PSD3: variants seen among roughly 807,000 people sequenced by gnomAD.
PSD3 encodes pleckstrin and Sec7 domain containing 3.
Under a neutral mutation model 105.5 loss-of-function variants are expected in PSD3, and 49 were observed. The observed-to-expected ratio is 0.46, with a 90% CI of 0.37 to 0.59. The LOEUF is 0.59. PSD3 is among the 20% of genes least tolerant of loss of function. The probability of loss-of-function intolerance (pLI) is 0.00; values close to 1 mark genes in which losing one functional copy is unlikely to be tolerated. For missense variants in PSD3, 1,561 were observed against 1,263.8 expected (o/e 1.24, Z -3.57); for synonymous variants, 557 against 457.8 (o/e 1.22, Z -2.77).
chr8:18,639,561 G>A (rs986950712), intron 10 of PSD3, among the ~76,000 whole-genome samples: 1 of 152,072 alleles, frequency 6.6e-6, no homozygotes, highest in Non-Finnish European at 1.5e-5. Context: ...CAATATTGAT[G>A]TCCTTATTAA....
chr8:18,984,420 C>G (rs1357043733), intron 1 of PSD3, among the ~76,000 whole-genome samples: 1 of 151,914 alleles, frequency 6.6e-6, no homozygotes, highest in Non-Finnish European at 1.5e-5. Context: ...AACATCACTG[C>G]ATTAAAATAT....
rs530156488 is a variant in PSD3 at position 18,828,719 on chromosome 8, G to C, written c.1635-23821C>G. ...CTCATGCCTGAAATCCCAGCATTTT[G>C]GGAGGCTGAGGCAAGCAGATCACAT... is the stretch of plus-strand genomic sequence containing the variant. On this transcript the variant is annotated intron_variant, in intron 4 of 15. Coordinates refer to ENST00000327040, the MANE Select transcript of PSD3 (RefSeq NM_015310.4). 7.2e-5 allele frequency among the ~76,000 whole-genome samples: 11 copies of C among 152,228 alleles called. No individual in the cohort carries two copies. The South Asian group carries it at 1.9e-3, about 26-fold the overall frequency.
At chr8:18,932,972 G>A (rs1383153212) in intron 2 of PSD3, among the ~76,000 whole-genome samples, 2 of 152,214 alleles carry the variant, frequency 1.3e-5, no homozygotes, top group African/African-American at 4.8e-5. Flanking sequence ...TTCCTTGCTA[G>A]TCACTTGGAG....
intron 1 of PSD3, among the ~76,000 whole-genome samples, chr8:18,950,912 T>A (rs1290358548): frequency 6.6e-6 from 1 of 152,114 alleles, no homozygotes. Context: ...AGTATTTCTG[T>A]TGCTCTAGGG....
chr8:18,838,379 T>C (rs1007784473), intron 4 of PSD3, among the ~76,000 whole-genome samples: 9 of 152,248 alleles, frequency 5.9e-5, no homozygotes, highest in South Asian at 2.1e-4. Flanking sequence ...TTGTGTCTTC[T>C]GCTTTACAAA....
chr8:19,053,940 T>C (rs998028491), intron 1 of PSD3, among the ~76,000 whole-genome samples: 16 of 152,230 alleles, frequency 1.1e-4, no homozygotes, highest in African/African-American at 3.9e-4. Flanking sequence ...GTTACAAGAC[T>C]GCTTACTTGG....
At chr8:19,016,457 T>C (rs1453845548), upstream of PSD3, among the ~76,000 whole-genome samples, 1 of 152,184 alleles carries the variant, frequency 6.6e-6, no homozygotes, top group Non-Finnish European at 1.5e-5. Context: ...AAGCCCAGAT[T>C]ATTGAATATT....
chr8:18,736,679 G>A (rs554588116), intron 9 of PSD3, among the ~76,000 whole-genome samples: 155 of 152,136 alleles, frequency 1.0e-3, no homozygotes, highest in Non-Finnish European at 1.5e-3. Context: ...GTTGAGATAC[G>A]GAAATAATGG....
At chr8:18,846,498 C>A (rs1815103490) in intron 4 of PSD3, among the ~76,000 whole-genome samples, 1 of 152,100 alleles carries the variant, frequency 6.6e-6, no homozygotes, top group Non-Finnish European at 1.5e-5. Flanking sequence ...TACTGCTACT[C>A]CTGGGGAAAC....
chr8:18,754,121 C>A lies in PSD3; in HGVS notation c.2172+11328G>T, dbSNP rs932284704. On this transcript the variant is annotated intron_variant, in intron 9 of 15. Transcript: ENST00000327040. ...AATTTAGGCCAGGTGCGGTGGCTCA[C>A]GCCTGTAATCCCACCACTTTGGGAA... Among the ~76,000 whole-genome samples, 7 of 152,146 alleles carry A rather than the reference C, an allele frequency of 4.6e-5. No homozygotes were observed. In the East Asian group the frequency reaches 9.6e-4, roughly 21 times the overall value.
chr8:18,708,784 G>A lies in PSD3; in HGVS notation c.2173-53099C>T, dbSNP rs188163265. Among the ~76,000 whole-genome samples, 532 of 151,880 alleles carry A rather than the reference G, an allele frequency of 3.5e-3. 6 individuals are homozygous for A. Among genetic ancestry groups the A allele is most frequent in the African/African-American group, 0.011 (469 of 41,410 alleles). On this transcript the variant is annotated intron_variant, in intron 9 of 15. Transcript: ENST00000327040. ...TCCTGCACCTTCAGCTGAGGGATCCGGATTATCTCACTGGGACTAATGAGG... is the reference window on the plus strand; with the variant it reads ...TCCTGCACCTTCAGCTGAGGGATCCAGATTATCTCACTGGGACTAATGAGG...
chr8:18,574,716 A>G (rs1391578588), intron 13 of PSD3, among the ~76,000 whole-genome samples: 1 of 152,320 alleles, frequency 6.6e-6, no homozygotes, highest in South Asian at 2.1e-4. Context: ...AGAACTCTGT[A>G]AGATAAACGT....
chr8:18,677,784 C>G lies in PSD3; in HGVS notation c.2173-22099G>C, dbSNP rs146378957. On this transcript the variant is annotated intron_variant, in intron 9 of 15. Coordinates refer to ENST00000327040, the MANE Select transcript of PSD3 (RefSeq NM_015310.4). The stretch of plus-strand genomic sequence containing the variant: ...CTCAGCACTGTGGGAGGCGAGGCGG[C>G]CAGATCACGAGGTCAGGAGATCAAA... Among the ~76,000 whole-genome samples, 136 of 152,118 alleles carry G rather than the reference C, an allele frequency of 8.9e-4. No homozygotes were observed. The East Asian group carries it at 0.022, about 25-fold the overall frequency.
At chr8:18,971,954 G>A (rs909462680) in intron 1 of PSD3, among the ~76,000 whole-genome samples, 4 of 152,052 alleles carry the variant, frequency 2.6e-5, no homozygotes, top group South Asian at 2.1e-4. Flanking sequence ...GCAGTGAGCC[G>A]AGATCACGCC....
intron 12 of PSD3, among the ~76,000 whole-genome samples, chr8:18,594,164 A>ATAATATTATATAATATATATTAT (rs1803840520): frequency 2.6e-5 from 1 of 38,534 alleles, no homozygotes; most frequent in African/African-American, 6.9e-5. Context: ...ATATTATTAT[A>ATAATATTATATAATATATATTAT]TACATATTAT....
intron 4 of PSD3, among the ~76,000 whole-genome samples, chr8:18,812,846 C>A (rs1811812818): frequency 6.6e-6 from 1 of 152,108 alleles, no homozygotes; most frequent in Non-Finnish European, 1.5e-5. Flanking sequence ...TGTTTAAGGA[C>A]CAAGATGATC....
chr8:18,689,594 C>T (rs1351423890), intron 9 of PSD3, among the ~76,000 whole-genome samples: 4 of 152,248 alleles, frequency 2.6e-5, no homozygotes, highest in African/African-American at 4.8e-5. Context: ...AACAGAATGG[C>T]GGTTGTAACA....
At chr8:19,015,879 T>C (rs943453847), upstream of PSD3, among the ~76,000 whole-genome samples, 1 of 152,346 alleles carries the variant, frequency 6.6e-6, no homozygotes, top group East Asian at 1.9e-4. Context: ...TTTTAATTGG[T>C]TTTATCCCTG....
chr8:18,815,290 T>C (rs1350942748), intron 4 of PSD3, among the ~76,000 whole-genome samples: 1 of 152,148 alleles, frequency 6.6e-6, no homozygotes, highest in African/African-American at 2.4e-5. Flanking sequence ...TTCTGCCCTT[T>C]CTTCAAATTC....
Sources: gnomAD v4.1 joint callset for allele counts (sites outside exome capture counted in the v4.1 genomes callset) on GRCh38, gnomAD v4.1.1 for gene constraint, MANE v1.5 for transcripts, NCBI Gene and HGNC (gene_info 2026-07-23, HGNC 2026-07-21) for gene names.